LRRIQ1: variants seen among roughly 807,000 people sequenced by gnomAD.
LRRIQ1 encodes the protein leucine rich repeats and IQ motif containing 1.
Under a neutral mutation model 211.9 loss-of-function variants are expected in LRRIQ1, and 210 were observed. That is an observed-to-expected ratio of 0.99 (90% confidence interval 0.89 to 1.11). The LOEUF (loss-of-function observed/expected upper bound fraction) is 1.11, where lower values mean the gene tolerates loss of function less well. Ranked by LOEUF, LRRIQ1 falls within the 50% of genes most tolerant of loss-of-function variation. The pLI is 0.00. For missense variants in LRRIQ1, 2,136 were observed against 1,939.5 expected (o/e 1.10, Z -1.90); for synonymous variants, 699 against 650.1 (o/e 1.08, Z -1.14).
intron 23 of LRRIQ1, among the ~76,000 whole-genome samples, chr12:85,157,845 A>AT (rs768056903): frequency 3.3e-4 from 50 of 151,642 alleles, no homozygotes; most frequent in Non-Finnish European, 3.1e-4. Flanking sequence ...CCTAACATGG[A>AT]TTTTTTGCCA....
intron 15 of LRRIQ1, among the ~76,000 whole-genome samples, chr12:85,111,449 C>T (rs1887168327): frequency 6.6e-6 from 1 of 152,052 alleles, no homozygotes; most frequent in African/African-American, 2.4e-5. Context: ...TGACTAGTTC[C>T]ATTCGTGTAA....
chr12:85,147,900 T>C (rs189733441), intron 19 of LRRIQ1, among the ~76,000 whole-genome samples: 1 of 151,828 alleles, frequency 6.6e-6, no homozygotes, highest in Non-Finnish European at 1.5e-5. Context: ...ATTTAGTTTC[T>C]AAAGGAATCA....
chr12:85,270,749 T>C, the LRRIQ1 span, among the ~76,000 whole-genome samples: 2 of 152,146 alleles, frequency 1.3e-5, no homozygotes, highest in South Asian at 2.1e-4. Flanking sequence ...ATACATTAAC[T>C]TTCTTTATAT....
At chr12:85,204,986 C>T (rs1893472313) in intron 24 of LRRIQ1, among the ~76,000 whole-genome samples, 2 of 152,076 alleles carry the variant, frequency 1.3e-5, no homozygotes, top group Admixed American at 1.3e-4. Flanking sequence ...AAATTGTACT[C>T]CCATAATTCC....
rs531921413 is a variant in LRRIQ1, at chr12:85,091,684, A to G, written c.2888-6671A>G. On this transcript the variant is annotated intron_variant, in intron 11 of 26. Transcript: ENST00000393217. ...CTTGAGTTAGTTTTTGTATATGGTG[A>G]AAAGTAAAGGTCCGGTTTTATTCTG... is the stretch of plus-strand genomic sequence containing the variant. 3.1e-4 allele frequency among the ~76,000 whole-genome samples: 47 copies of G among 152,292 alleles called. No individual in the cohort carries two copies. The Middle Eastern group carries it at 0.014, about 44-fold the overall frequency.
chr12:85,070,229 T>G (rs1260813427), intron 10 of LRRIQ1, among the ~76,000 whole-genome samples: 1 of 151,980 alleles, frequency 6.6e-6, no homozygotes, highest in Non-Finnish European at 1.5e-5. Context: ...ATACAGTATT[T>G]GACGATTTAC....
rs1355688715 is a variant in LRRIQ1, at chr12:85,046,128, GT to G, written c.449del (p.Leu150TyrfsTer7). On this transcript the variant is annotated frameshift_variant, in exon 5 of 27. Coordinates refer to ENST00000393217, the MANE Select transcript of LRRIQ1 (RefSeq NM_001079910.2). LOFTEE classifies it high-confidence loss of function. ...SPHDLPMDEH[V>X]LPDDADINFG... ...TCATGACTTGCCTATGGATGAACAT[GT>G]TTTACCAGGTGGACTAAATTGCTCA... 2.5e-6 allele frequency: 4 copies of G among 1,579,608 alleles called. No individual in the cohort carries two copies. In the African/African-American group the frequency reaches 4.0e-5, roughly 16 times the overall value.
At chr12:85,213,233 G>C (rs1030571184) in intron 24 of LRRIQ1, among the ~76,000 whole-genome samples, 3 of 151,264 alleles carry the variant, frequency 2.0e-5, no homozygotes, top group African/African-American at 7.3e-5. Context: ...CACATTGGGG[G>C]GAAAAATTAC....
intron 1 of LRRIQ1, among the ~76,000 whole-genome samples, chr12:85,253,911 G>A (rs575255024): frequency 1.3e-3 from 193 of 152,134 alleles, no homozygotes; most frequent in Middle Eastern, 3.4e-3. Flanking sequence ...TAGTTTGGAT[G>A]TGTGTCCCTG....
intron 24 of LRRIQ1, among the ~76,000 whole-genome samples, chr12:85,228,203 A>C (rs1266160996): frequency 6.6e-6 from 1 of 152,364 alleles, no homozygotes; most frequent in South Asian, 2.1e-4. Context: ...GCTTCTGCAC[A>C]GCAAAAGAAA....
intron 24 of LRRIQ1, among the ~76,000 whole-genome samples, chr12:85,216,017 G>T (rs1019249629): frequency 6.6e-6 from 1 of 152,132 alleles, no homozygotes; most frequent in African/African-American, 2.4e-5. Context: ...AGAGAAGCAA[G>T]ACCTTTTCTT....
chr12:85,125,716 G>A (rs921394207), intron 17 of LRRIQ1, among the ~76,000 whole-genome samples: 2 of 151,916 alleles, frequency 1.3e-5, no homozygotes, highest in African/African-American at 2.4e-5. Flanking sequence ...ATCAAAAGTG[G>A]CTTTAATATT....
At chr12:85,102,715 T>G (rs555441441) in intron 13 of LRRIQ1, among the ~76,000 whole-genome samples, 370 of 151,316 alleles carry the variant, frequency 2.4e-3, no homozygotes, top group Non-Finnish European at 3.3e-3. Context: ...TTTGTTGTTG[T>G]TGTTGTTGGT....
At chr12:85,249,473 T>C (rs1361973917), downstream of LRRIQ1, among the ~76,000 whole-genome samples, 1 of 151,836 alleles carries the variant, frequency 6.6e-6, no homozygotes, top group Non-Finnish European at 1.5e-5. Context: ...TTCCACACTG[T>C]GTGAACTCAA....
At chr12:85,101,673 C>A (rs1022085626) in intron 13 of LRRIQ1, among the ~76,000 whole-genome samples, 1 of 151,622 alleles carries the variant, frequency 6.6e-6, no homozygotes, top group Non-Finnish European at 1.5e-5. Context: ...TTCTACCATC[C>A]TAATGAATAG....
intron 24 of LRRIQ1, among the ~76,000 whole-genome samples, chr12:85,174,516 A>G (rs1121735): frequency 0.35 from 51,936 of 149,964 alleles, 12,393 homozygotes; most frequent in African/African-American, 0.68. Context: ...CCAACATGGC[A>G]AAACCCTGTC....
chr12:85,179,353 A>C (rs1342289037), intron 24 of LRRIQ1, among the ~76,000 whole-genome samples: 1 of 151,982 alleles, frequency 6.6e-6, no homozygotes, highest in African/African-American at 2.4e-5. Context: ...TTTCAACAGC[A>C]GTGTGCCATA....
At chr12:85,223,762 T>C (rs1894516673) in intron 24 of LRRIQ1, among the ~76,000 whole-genome samples, 1 of 151,964 alleles carries the variant, frequency 6.6e-6, no homozygotes, top group South Asian at 2.1e-4. Flanking sequence ...GAAAAAGAAT[T>C]ATAAATAGTC....
At chr12:85,134,919 AAT>A (rs1889015987) in intron 18 of LRRIQ1, among the ~76,000 whole-genome samples, 2 of 152,000 alleles carry the variant, frequency 1.3e-5, no homozygotes, top group Admixed American at 6.6e-5. Flanking sequence ...TCCTTTCATA[AAT>A]ATTTTAGCAT....
Sources: gnomAD v4.1 joint callset for allele counts (sites outside exome capture counted in the v4.1 genomes callset) on GRCh38, gnomAD v4.1.1 for gene constraint, MANE v1.5 for transcripts, NCBI Gene and HGNC (gene_info 2026-07-23, HGNC 2026-07-21) for gene names.